The following ZFP62 variants were observed in gnomAD, a reference collection of about 807,000 sequenced individuals.
ZFP62 encodes the protein zinc finger protein 62 homolog.
In ZFP62, 44 loss-of-function variants were observed where a neutral mutation model predicts 56.4. That is an observed-to-expected ratio of 0.78 (90% CI 0.61 to 1.00). The LOEUF (loss-of-function observed/expected upper bound fraction) is 1.00. Ranked by LOEUF, ZFP62 falls within the 50% of genes least tolerant of loss-of-function variation. ZFP62 has a pLI of 0.00. For missense variants in ZFP62, 1,030 were observed against 1,085.7 expected (o/e 0.95, Z 0.72); for synonymous variants, 421 against 388.9 (o/e 1.08, Z -0.97).
chr5:180,831,595 A>T, the ZFP62 span: 57 of 152,562 alleles, frequency 3.7e-4, no homozygotes, highest in South Asian at 8.5e-3. Flanking sequence ...GGCTGCGGAG[A>T]GAGGCCCAGC....
At chr5:180,856,910 G>C (rs964116577) in intron 1 of ZFP62, among the ~76,000 whole-genome samples, 2 of 140,838 alleles carry the variant, frequency 1.4e-5, no homozygotes, top group Non-Finnish European at 3.0e-5. Flanking sequence ...CTGAGATCGT[G>C]CCACTGCACT....
Position 180,849,959 on chromosome 5 carries a change from T to C in ZFP62, c.1536A>G (p.Lys512=), listed in dbSNP as rs543336307. Reference sequence around the variant, plus strand: ...CAAGGGCAGAGCTGTAGTTGAAGGATTTCTCACAATAGCTACATTTATAGG... The same window carrying C: ...CAAGGGCAGAGCTGTAGTTGAAGGACTTCTCACAATAGCTACATTTATAGG... ...EKPYKCSYCE[K]SFNYSSALEQ... The change falls in exon 2 of 2, where the codon AAA becomes AAG. Residue 512 remains lysine, a synonymous_variant. Transcript: ENST00000502412. The C allele has an allele frequency of 9.7e-5, 151 of 1,551,466 alleles. No homozygotes were observed. Among genetic ancestry groups the C allele is most frequent in the Middle Eastern group, 1.7e-4 (1 of 5,990 alleles).
chr5:180,848,797 G>C lies in ZFP62; in HGVS notation c.2698C>G (p.Leu900Val), dbSNP rs1773514892. 1 of 1,525,412 alleles carries C rather than the reference G, an allele frequency of 6.6e-7. No individual in the cohort carries two copies. The highest frequency in any genetic ancestry group is 8.8e-7 in the Non-Finnish European group (1 of 1,130,866). 94.5% of individuals were successfully genotyped at this position (1,525,412 alleles called of 1,614,324 possible). Residue 900 changes from leucine to valine, a missense_variant, in exon 2 of 2, where the codon CTG (leucine) becomes GTG (valine). By Grantham distance (32) the Leu-to-Val change is conservative. Coordinates refer to ENST00000502412, the MANE Select transcript of ZFP62 (RefSeq NM_001172638.2). ...ALDGGRMRMP[L>V] The stretch of plus-strand genomic sequence containing the variant: ...GACTTGGTAAGCTCTGCCTGCTACA[G>C]AGGCATCCTCATCCTGCCCCCATCC...
chr5:180,849,663 T>C lies in ZFP62; in HGVS notation c.1832A>G (p.His611Arg), dbSNP rs985626373. The change falls in exon 2 of 2, where the codon CAT becomes CGT. Residue 611 changes from histidine to arginine, a missense_variant. By Grantham distance (29) the His-to-Arg change is conservative. Transcript: ENST00000502412. Reference sequence around the variant, plus strand: ...ACATTTGTAGGGCTTCTCCCCAAGATGAACTTTTTTGTGGTTTGTAAGGGT... The same window carrying C: ...ACATTTGTAGGGCTTCTCCCCAAGACGAACTTTTTTGTGGTTTGTAAGGGT... ...YRTLTNHKKV[H>R]LGEKPYKCDV... 9.0e-6 allele frequency: 14 copies of C among 1,551,848 alleles called. No homozygotes were observed. Among genetic ancestry groups the C allele is most frequent in the African/African-American group, 1.4e-5 (1 of 73,034 alleles).
At position 180,848,533 on chromosome 5, in the gene ZFP62, T is replaced by C. The variant is rs916034092; in HGVS notation, c.*259A>G. On this transcript the variant is annotated 3_prime_UTR_variant, in exon 2 of 2. Transcript: ENST00000502412. ...AGAAATGTCTACTGATTTTGAAGAT[T>C]TGCTTCACATTCCATCACTCAGATC... The C allele has an allele frequency of 5.1e-6, 6 of 1,186,464 alleles. No individual in the cohort carries two copies. In the African/African-American group the frequency reaches 7.9e-5, roughly 16 times the overall value. 73.5% of individuals were successfully genotyped at this position (1,186,464 alleles called of 1,614,324 possible).
the ZFP62 span, chr5:180,831,515 G>C: frequency 6.6e-6 from 1 of 152,298 alleles, no homozygotes; most frequent in Non-Finnish European, 1.5e-5. Context: ...GGGTTGAAGG[G>C]ACTCTCCGGC....
chr5:180,852,228 A>G (rs908842371), intron 1 of ZFP62, among the ~76,000 whole-genome samples: 2 of 152,190 alleles, frequency 1.3e-5, no homozygotes, highest in African/African-American at 4.8e-5. Context: ...TGGTCCTTTT[A>G]ATAGTGTTGT....
chr5:180,828,679 GAAC>G, the ZFP62 span, among the ~76,000 whole-genome samples: 5 of 152,054 alleles, frequency 3.3e-5, no homozygotes, highest in African/African-American at 1.2e-4. Context: ...ACGTGTGTTT[GAAC>G]AATATGAAAT....
chr5:180,848,457 T>C lies in ZFP62; in HGVS notation c.*335A>G. On this transcript the variant is annotated 3_prime_UTR_variant, in exon 2 of 2. Coordinates refer to ENST00000502412, the MANE Select transcript of ZFP62 (RefSeq NM_001172638.2). ...TTACCAAACATGAACTTTCTGATGGTGATTACGTAACTTCTAATTGAAGCC... is the reference window on the plus strand; with the variant it reads ...TTACCAAACATGAACTTTCTGATGGCGATTACGTAACTTCTAATTGAAGCC... 9.7e-7 allele frequency: 1 copy of C among 1,035,988 alleles called. No individual in the cohort carries two copies. The highest frequency in any genetic ancestry group is 4.4e-5 in the South Asian group (1 of 22,608). 64.2% of individuals were successfully genotyped at this position (1,035,988 alleles called of 1,614,324 possible).
At chr5:180,856,978 A>AAAAAAAAAAT (rs1388771811) in intron 1 of ZFP62, among the ~76,000 whole-genome samples, 1 of 129,810 alleles carries the variant, frequency 7.7e-6, no homozygotes, top group Non-Finnish European at 1.6e-5. Flanking sequence ...AAAAAAAAAA[A>AAAAAAAAAAT]GCAAATACAG....
At chr5:180,857,084 A>T (rs1287641607) in intron 1 of ZFP62, among the ~76,000 whole-genome samples, 2 of 151,906 alleles carry the variant, frequency 1.3e-5, no homozygotes, top group Admixed American at 1.3e-4. Context: ...ACTGGTGTTC[A>T]CCCCCCGAAG....
chr5:180,842,917 C>T (rs2113659334), downstream of ZFP62, among the ~76,000 whole-genome samples: 1 of 151,896 alleles, frequency 6.6e-6, no homozygotes, highest in South Asian at 2.1e-4. Flanking sequence ...GTGGTGTGTG[C>T]CTATAGTCCC....
At chr5:180,854,217 A>G (rs778454878) in intron 1 of ZFP62, among the ~76,000 whole-genome samples, 1 of 152,216 alleles carries the variant, frequency 6.6e-6, no homozygotes, top group East Asian at 1.9e-4. Context: ...ATGCTATACC[A>G]GCAAGTAAAG....
chr5:180,846,366 C>T (rs377179539), downstream of ZFP62, among the ~76,000 whole-genome samples: 6 of 152,332 alleles, frequency 3.9e-5, no homozygotes, highest in South Asian at 1.2e-3. Context: ...GCATTAGGTT[C>T]AGCTGGAGCT....
chr5:180,849,633 A>C lies in ZFP62; in HGVS notation c.1862T>G (p.Val621Gly), dbSNP rs1481658022. Reference sequence around the variant, plus strand: ...TGTGTAATTAAAAGATTTCTCACACACATCACATTTGTAGGGCTTCTCCCC... The same window carrying C: ...TGTGTAATTAAAAGATTTCTCACACCCATCACATTTGTAGGGCTTCTCCCC... ...HLGEKPYKCDVCEKSFNYTSL... is the reference protein window; with the variant it reads ...HLGEKPYKCDGCEKSFNYTSL... Residue 621 changes from valine to glycine, a missense_variant, in exon 2 of 2, where the codon GTG (valine) becomes GGG (glycine). Transcript: ENST00000502412. 6.4e-7 allele frequency: 1 copy of C among 1,551,224 alleles called. No homozygotes were observed. Among genetic ancestry groups the C allele is most frequent in the Non-Finnish European group, 8.7e-7 (1 of 1,146,834 alleles).
In ZFP62 at chr5:180,848,824, G is replaced by A. The variant is rs974825533; in HGVS notation, c.2671C>T (p.Leu891=). The A allele has an allele frequency of 4.5e-6, 7 of 1,543,608 alleles. No individual in the cohort carries two copies. The highest frequency in any genetic ancestry group is 6.1e-6 in the Non-Finnish European group (7 of 1,140,936). Residue 891 remains leucine (L), a synonymous_variant, in exon 2 of 2, where the codon CTG becomes TTG. Coordinates refer to ENST00000502412, the MANE Select transcript of ZFP62 (RefSeq NM_001172638.2). ...GGCATCCTCATCCTGCCCCCATCCA[G>A]GGCATTCCCTCCCTCATAGGTTCTC... ...QKRTYEGGNA[L]DGGRMRMPL
chr5:180,858,291 A>AG (rs1491339187), intron 1 of ZFP62, among the ~76,000 whole-genome samples: 1 of 149,060 alleles, frequency 6.7e-6, no homozygotes, highest in Admixed American at 6.7e-5. Context: ...AAAAAAGAAA[A>AG]GAAAAAAAAG....
chr5:180,847,894 C>T lies in ZFP62; in HGVS notation c.*898G>A, dbSNP rs1773468359. On this transcript the variant is annotated 3_prime_UTR_variant, in exon 2 of 2. Transcript: ENST00000502412. ...TGCGTTCCTTCTCAGCATTTCTATT[C>T]ATAGGAATCCCTGAATCACTTCTGT... The T allele has an allele frequency of 2.0e-6, 2 of 985,326 alleles. No homozygotes were observed. Among genetic ancestry groups the T allele is most frequent in the Non-Finnish European group, 2.4e-6 (2 of 829,934 alleles). 61.0% of individuals were successfully genotyped at this position (985,326 alleles called of 1,614,324 possible).
intron 1 of ZFP62, among the ~76,000 whole-genome samples, chr5:180,857,022 A>G (rs545682209): frequency 6.6e-6 from 1 of 151,638 alleles, no homozygotes; most frequent in South Asian, 2.1e-4. Context: ...GATGGACTAC[A>G]GGAATAGCTT....
Sources: allele counts gnomAD v4.1 joint callset (sites outside exome capture counted in the v4.1 genomes callset), GRCh38; gene constraint gnomAD v4.1.1; transcripts MANE v1.5; gene names NCBI Gene and HGNC (gene_info 2026-07-23, HGNC 2026-07-21).